The following INAVA variants were observed in gnomAD, a reference collection of about 807,000 sequenced individuals.
INAVA encodes innate immunity activator protein.
Under a neutral mutation model 55.3 loss-of-function variants are expected in INAVA, and 32 were observed. The observed-to-expected ratio is 0.58, with a 90% CI of 0.44 to 0.78. INAVA has a LOEUF of 0.78. Ranked by LOEUF, INAVA falls within the 30% of genes least tolerant of loss-of-function variation. The pLI is 0.00. For synonymous variants in INAVA, 294 were observed against 329.4 expected (o/e 0.89, Z 1.16); for missense variants, 756 against 786.4 (o/e 0.96, Z 0.46).
chr1:200,906,783 TTG>T (rs1653510748), intron 5 of INAVA, among the ~76,000 whole-genome samples: 1 of 152,178 alleles, frequency 6.6e-6, no homozygotes, highest in Non-Finnish European at 1.5e-5. Flanking sequence ...GATCTTTGAA[TTG>T]TGTTTGTGAT....
upstream of INAVA, among the ~76,000 whole-genome samples, chr1:200,894,343 G>C (rs926840789): frequency 2.0e-5 from 3 of 152,142 alleles, no homozygotes; most frequent in African/African-American, 7.2e-5. Flanking sequence ...GGGATAAAAA[G>C]AACAGCCTGA....
At chr1:200,892,120 T>C (rs1416632607), upstream of INAVA, among the ~76,000 whole-genome samples, 2 of 152,176 alleles carry the variant, frequency 1.3e-5, no homozygotes, top group Non-Finnish European at 2.9e-5. Context: ...CTTTGCTTAG[T>C]GGAGGCGAAC....
At chr1:200,903,865 C>T (rs1299830705) in intron 5 of INAVA, among the ~76,000 whole-genome samples, 1 of 151,252 alleles carries the variant, frequency 6.6e-6, no homozygotes, top group African/African-American at 2.4e-5. Flanking sequence ...TAAAAAACCA[C>T]CCTGCCCCCT....
In INAVA at chr1:200,908,781, G is replaced by C. The variant is rs140927822; in HGVS notation, c.626G>C (p.Arg209Pro). ...CCAGAGTCTCCAGCCCCACCTTCTCGGCCTCTCCCACCCCAAACCCTTGAG... is the reference window on the plus strand; with the variant it reads ...CCAGAGTCTCCAGCCCCACCTTCTCCGCCTCTCCCACCCCAAACCCTTGAG... ...PPPESPAPPS[R>P]PLPPQTLEGL... The change falls in exon 7 of 10, where the codon CGG becomes CCG. Residue 209 changes from arginine to proline, a missense_variant. Arg to Pro is a moderately radical substitution (Grantham distance 103). Transcript: ENST00000413687. 1 of 1,610,490 alleles carries C rather than the reference G, an allele frequency of 6.2e-7. No individual in the cohort carries two copies. The highest frequency in any genetic ancestry group is 8.5e-7 in the Non-Finnish European group (1 of 1,178,402).
upstream of INAVA, chr1:200,891,696 G>C (rs1668242497): frequency 6.8e-7 from 1 of 1,468,388 alleles, no homozygotes; most frequent in Non-Finnish European, 9.0e-7. Flanking sequence ...GAGCTCCATG[G>C]GACAGGTAAG....
rs992565181 is a variant in INAVA, at chr1:200,898,593, G to A, written c.55+138G>A. ...TCCCAAGGGCTGAGAGGAAGGGGAGGGAGAGGCCTCTGCTGGGAGGAGGGG... is the reference window on the plus strand; with the variant it reads ...TCCCAAGGGCTGAGAGGAAGGGGAGAGAGAGGCCTCTGCTGGGAGGAGGGG... On this transcript the variant is annotated intron_variant, in intron 2 of 9. Transcript: ENST00000413687. The A allele has an allele frequency of 7.4e-6, 7 of 948,952 alleles. No individual in the cohort carries two copies. In the Admixed American group the frequency reaches 1.6e-4, roughly 22 times the overall value. The allele number at this position is 948,952 out of a possible 1,614,324, so 58.8% of individuals were successfully genotyped here.
intron 2 of INAVA, among the ~76,000 whole-genome samples, chr1:200,899,211 C>T (rs1170252325): frequency 6.6e-6 from 1 of 151,950 alleles, no homozygotes; most frequent in Admixed American, 6.6e-5. Context: ...GGCAGAACTC[C>T]CTCCCCTGCA....
intron 2 of INAVA, among the ~76,000 whole-genome samples, chr1:200,899,174 G>A (rs1056040575): frequency 3.3e-5 from 5 of 151,776 alleles, no homozygotes; most frequent in Non-Finnish European, 7.4e-5. Flanking sequence ...AAGAAGAAGG[G>A]AGGAGGAGTG....
intron 1 of INAVA, 41 bp downstream of exon 1, chr1:200,895,128 G>T: frequency 1.4e-5 from 14 of 986,260 alleles, no homozygotes; most frequent in Non-Finnish European, 1.7e-5. Flanking sequence ...GGGGCTGAGA[G>T]CAGGCTGGCC....
chr1:200,912,186 G>C (rs1653781959), intron 9 of INAVA, 49 bp downstream of exon 9: 3 of 1,475,352 alleles, frequency 2.0e-6, no homozygotes, highest in Non-Finnish European at 2.7e-6. Flanking sequence ...GGGCTGTTTT[G>C]TTGGGGAGGG....
chr1:200,892,738 T>C (rs1668261393), upstream of INAVA, among the ~76,000 whole-genome samples: 1 of 152,150 alleles, frequency 6.6e-6, no homozygotes, highest in African/African-American at 2.4e-5. Context: ...TATTTTGAAT[T>C]GAATGACATG....
chr1:200,912,900 C>G (rs922563079), intron 9 of INAVA, among the ~76,000 whole-genome samples: 1 of 152,086 alleles, frequency 6.6e-6, no homozygotes, highest in African/African-American at 2.4e-5. Flanking sequence ...GATAGAGCAC[C>G]CTGACACTGG....
Position 200,900,197 on chromosome 1 carries a change from G to A in INAVA, c.274G>A (p.Asp92Asn). ...RRRIGAAYKL[D>N]DWALHREDPL... ...CAGGATCGGAGCGGCTTACAAACTG[G>A]ATGACTGGGCCTTGCACAGAGAGGT... Residue 92 changes from aspartate to asparagine, a missense_variant, in exon 4 of 10, where the codon GAT becomes AAT. Asp to Asn is a conservative substitution (Grantham distance 23, BLOSUM62 1). Transcript: ENST00000413687. 1 of 1,614,144 alleles carries A rather than the reference G, an allele frequency of 6.2e-7. No individual in the cohort carries two copies.
chr1:200,899,397 C>T (rs1440812646), intron 2 of INAVA, 76 bp from the exon 3 acceptor site: 2 of 1,593,854 alleles, frequency 1.3e-6, no homozygotes, highest in South Asian at 1.1e-5. Flanking sequence ...GTGCATTCCC[C>T]TAGGGGTGGT....
At chr1:200,904,075 C>A (rs1234738839) in intron 5 of INAVA, among the ~76,000 whole-genome samples, 1 of 151,820 alleles carries the variant, frequency 6.6e-6, no homozygotes, top group Non-Finnish European at 1.5e-5. Flanking sequence ...CAGCCATTAG[C>A]CACATCCTCA....
upstream of INAVA, among the ~76,000 whole-genome samples, chr1:200,893,615 G>C (rs885198): frequency 0.037 from 5,668 of 152,224 alleles, 236 homozygotes; most frequent in East Asian, 0.2. Context: ...AGGAAGAACT[G>C]TCCCCTCTTA....
In INAVA at chr1:200,909,128, T is replaced by C. The variant is rs1653612985; in HGVS notation, c.786-96T>C. 6.4e-6 allele frequency: 9 copies of C among 1,410,334 alleles called. No individual in the cohort carries two copies. The East Asian group carries it at 2.2e-4, about 34-fold the overall frequency. 87.4% of individuals were successfully genotyped at this position (1,410,334 alleles called of 1,614,324 possible). ...TGCTGGCAGTTTGCCCTACTAACTT[T>C]GGGAGCCCCTTCCACTGCATCCCCA... On this transcript the variant is annotated intron_variant, in intron 7 of 9. Coordinates refer to ENST00000413687, the MANE Select transcript of INAVA (RefSeq NM_001142569.3).
chr1:200,912,060 C>A lies in INAVA; in HGVS notation c.1567C>A (p.Arg523Ser). 6.5e-7 allele frequency: 1 copy of A among 1,547,544 alleles called. No individual in the cohort carries two copies. The highest frequency in any genetic ancestry group is 8.7e-7 in the Non-Finnish European group (1 of 1,146,622). The change falls in exon 9 of 10, where the codon CGC becomes AGC. Residue 523 changes from arginine (R) to serine (S), a missense_variant. By Grantham distance (110) the Arg-to-Ser change is moderately radical. This residue lies in a region of INAVA where 117 missense variants were observed against 162.1 expected (regional missense o/e 0.72). Transcript: ENST00000413687. ...GAGCACCCGCCCCCACTCACTGGAC[C>A]GCCAAGGAGCTTTCCGGGTCAGGAG... ...LRSTRPHSLDRQGAFRVRSLP... is the reference protein window; with the variant it reads ...LRSTRPHSLDSQGAFRVRSLP...
chr1:200,900,871 C>G, intron 4 of INAVA, 66 bp from the exon 5 acceptor site: 1 of 1,277,922 alleles, frequency 7.8e-7, no homozygotes, highest in Middle Eastern at 2.1e-4. Flanking sequence ...GTCAGGGCTG[C>G]TGTCCACCCT....
Sources: gnomAD v4.1 joint callset for allele counts (sites outside exome capture counted in the v4.1 genomes callset) on GRCh38, gnomAD v4.1.1 for gene constraint, gnomAD v4.1.1 regional missense constraint, MANE v1.5 for transcripts, NCBI Gene and HGNC (gene_info 2026-07-23, HGNC 2026-07-21) for gene names.